The following HDAC3 variants were observed in gnomAD, a reference collection of about 807,000 sequenced individuals.
The protein encoded by HDAC3 is SMAP45.
Under a neutral mutation model 62.3 loss-of-function variants are expected in HDAC3, and 21 were observed. The ratio of observed to expected loss-of-function variants is 0.34; its 90% CI spans 0.24 to 0.49. The LOEUF is 0.49. Among genes scored for constraint, HDAC3 ranks in the 20% least tolerant of loss-of-function variants. The pLI, the probability that HDAC3 is intolerant of heterozygous loss-of-function variation, is 0.99. For missense variants in HDAC3, 270 were observed against 556.9 expected (o/e 0.48, Z 5.19); for synonymous variants, 198 against 206.5 (o/e 0.96, Z 0.35).
At position 141,628,629 on chromosome 5, in the gene HDAC3, A is replaced by G. The variant is rs368151986; in HGVS notation, c.621T>C (p.Tyr207=). 9.9e-6 allele frequency: 16 copies of G among 1,613,828 alleles called. No individual in the cohort carries two copies. The highest frequency in any genetic ancestry group is 6.7e-5 in the African/African-American group (5 of 74,914). Reference sequence around the variant, plus strand: ...AGCGGCCACTCTCTGCCCCGACTTCATACATGTCACCTGTAGGGAAGTGGG... The same window carrying G: ...AGCGGCCACTCTCTGCCCCGACTTCGTACATGTCACCTGTAGGGAAGTGGG... ...NYFFPGTGDM[Y]EVGAESGRYY... The change falls in exon 8 of 15, where the codon TAT becomes TAC. Residue 207 remains tyrosine, a synonymous_variant. Transcript: ENST00000305264. The surrounding 1 kb of genome is among the most constrained non-coding windows in gnomAD (Gnocchi z 4.7).
rs2099904449 is a variant in HDAC3, at chr5:141,626,567, A to G, written c.831-284T>C. On this transcript the variant is annotated intron_variant, in intron 10 of 14. Coordinates refer to ENST00000305264, the MANE Select transcript of HDAC3 (RefSeq NM_003883.4). The surrounding 1 kb of genome is among the most constrained non-coding windows in gnomAD (Gnocchi z 4.6). ...ATTCTCATCAACCCAAGTTCTGTCA[A>G]TTCTAGCCTTGAAAATATAACTCAC... The G allele has an allele frequency of 2.5e-6, 1 of 405,582 alleles. No homozygotes were observed. The highest frequency in any genetic ancestry group is 4.6e-6 in the Non-Finnish European group (1 of 217,148). The allele number at this position is 405,582 out of a possible 1,614,324, so 25.1% of individuals were successfully genotyped here.
intron 14 of HDAC3, among the ~76,000 whole-genome samples, chr5:141,622,215 G>C (rs984629584): frequency 3.3e-5 from 5 of 152,180 alleles, no homozygotes; most frequent in African/African-American, 1.2e-4. Context: ...ATTTTAAGAA[G>C]AGTGACGTGG....
intron 14 of HDAC3, among the ~76,000 whole-genome samples, chr5:141,623,383 C>CA (rs2099903970): frequency 6.6e-6 from 1 of 152,088 alleles, no homozygotes; most frequent in Non-Finnish European, 1.5e-5. Flanking sequence ...GGTGGCCTGA[C>CA]AGAGAGGTAG....
chr5:141,621,312 A>G lies in HDAC3; in HGVS notation c.*156T>C. ...CTTGGGAGAGAGAGGAAAAGCAGGT[A>G]GATGGTTCGAGAACCAAATGTGGTC... On this transcript the variant is annotated 3_prime_UTR_variant, in exon 15 of 15. Transcript: ENST00000305264. 1 of 669,484 alleles carries G rather than the reference A, an allele frequency of 1.5e-6. No individual in the cohort carries two copies. Among genetic ancestry groups the G allele is most frequent in the Non-Finnish European group, 2.7e-6 (1 of 373,704 alleles). The allele number at this position is 669,484 out of a possible 1,614,324, so 41.5% of individuals were successfully genotyped here. A position where few individuals can be genotyped will look rare whatever the true frequency, so the allele number is the denominator to read the frequency against.
chr5:141,635,308 C>G (rs2099905801), intron 2 of HDAC3: 2 of 198,486 alleles, frequency 1.0e-5, no homozygotes, highest in African/African-American at 2.3e-5. Context: ...ATTCTTCTTT[C>G]TGGAGTCAAA....
rs886420368 is a variant in HDAC3 at position 141,634,684 on chromosome 5, A to C, written c.281+127T>G. ...ACCAATAAATATTTATTGAATAAACAAATAAAATGAATTATGATGCATTGA... is the reference window on the plus strand; with the variant it reads ...ACCAATAAATATTTATTGAATAAACCAATAAAATGAATTATGATGCATTGA... On this transcript the variant is annotated intron_variant, in intron 3 of 14. Transcript: ENST00000305264. 6.4e-6 allele frequency: 6 copies of C among 937,966 alleles called. No individual in the cohort carries two copies. The African/African-American group carries it at 6.7e-5, about 10-fold the overall frequency. 58.1% of individuals were successfully genotyped at this position (937,966 alleles called of 1,614,324 possible).
In HDAC3 at chr5:141,628,008, C is replaced by G. The variant is rs749513334; in HGVS notation, c.766-51G>C. On this transcript the variant is annotated intron_variant, in intron 9 of 14. Coordinates refer to ENST00000305264, the MANE Select transcript of HDAC3 (RefSeq NM_003883.4). This position sits in a 1 kb window ranked among gnomAD's most constrained non-coding sequence, Gnocchi z 4.7. Reference sequence around the variant, plus strand: ...GTGCAGTGATCAGAACTGATCAGAACATCACAGATACCCCTTCCACCACCA... The same window carrying G: ...GTGCAGTGATCAGAACTGATCAGAAGATCACAGATACCCCTTCCACCACCA... The G allele has an allele frequency of 1.9e-6, 3 of 1,606,594 alleles. No individual in the cohort carries two copies. The East Asian group carries it at 6.7e-5, about 36-fold the overall frequency.
chr5:141,633,825 C>CAAAAAAA (rs11291105), intron 3 of HDAC3, among the ~76,000 whole-genome samples: 2 of 74,012 alleles, frequency 2.7e-5, no homozygotes, highest in African/African-American at 5.2e-5. Flanking sequence ...GACTCTGTCT[C>CAAAAAAA]AAAAAAAAAA....
chr5:141,633,983 A>G (rs1282290835), intron 3 of HDAC3, among the ~76,000 whole-genome samples: 5 of 152,226 alleles, frequency 3.3e-5, no homozygotes, highest in South Asian at 4.1e-4. Flanking sequence ...GAATTGAGCA[A>G]CTGGTAGCTG....
rs760382164 is a variant in HDAC3, at chr5:141,636,796, C to A, written c.-6G>T. ...TAGGCCACGGTCTTGGCCATGGTGC[C>A]GGCGGGAGCAGGCCCCGCACCTCCG... On this transcript the variant is annotated 5_prime_UTR_variant, in exon 1 of 15. Coordinates refer to ENST00000305264, the MANE Select transcript of HDAC3 (RefSeq NM_003883.4). 4 of 1,601,472 alleles carry A rather than the reference C, an allele frequency of 2.5e-6. No individual in the cohort carries two copies. The highest frequency in any genetic ancestry group is 3.4e-6 in the Non-Finnish European group (4 of 1,173,264).
At chr5:141,634,683 CAAAT>C (rs2099905722) in intron 3 of HDAC3, 124 bp downstream of exon 3, 1 of 931,696 alleles carries the variant, frequency 1.1e-6, no homozygotes, top group Non-Finnish European at 1.6e-6. Context: ...ATTGAATAAA[CAAAT>C]AAAATGAATT....
At position 141,626,599 on chromosome 5, in the gene HDAC3, C is replaced by G. The variant is rs1056854482; in HGVS notation, c.831-316G>C. On this transcript the variant is annotated intron_variant, in intron 10 of 14. Coordinates refer to ENST00000305264, the MANE Select transcript of HDAC3 (RefSeq NM_003883.4). The surrounding 1 kb of genome is among the most constrained non-coding windows in gnomAD (Gnocchi z 4.6). Reference sequence around the variant, plus strand: ...CCTTGAAAATATAACTCACGCCCGGCGCGGTGCTCACGCCTTTGTAGTAGT... The same window carrying G: ...CCTTGAAAATATAACTCACGCCCGGGGCGGTGCTCACGCCTTTGTAGTAGT... 2.9e-6 allele frequency: 1 copy of G among 347,242 alleles called. No individual in the cohort carries two copies. The highest frequency in any genetic ancestry group is 2.1e-5 in the African/African-American group (1 of 47,214). 21.5% of individuals were successfully genotyped at this position (347,242 alleles called of 1,614,324 possible).
chr5:141,621,309 G>T lies in HDAC3; in HGVS notation c.*159C>A. On this transcript the variant is annotated 3_prime_UTR_variant, in exon 15 of 15. Transcript: ENST00000305264. ...GGCCTTGGGAGAGAGAGGAAAAGCA[G>T]GTAGATGGTTCGAGAACCAAATGTG... The T allele has an allele frequency of 3.0e-6, 2 of 666,288 alleles. No individual in the cohort carries two copies. The allele number at this position is 666,288 out of a possible 1,614,324, so 41.3% of individuals were successfully genotyped here. A position where few individuals can be genotyped will look rare whatever the true frequency, so the allele number is the denominator to read the frequency against.
At chr5:141,631,113 A>C (rs531173674) in intron 3 of HDAC3, among the ~76,000 whole-genome samples, 2 of 151,818 alleles carry the variant, frequency 1.3e-5, no homozygotes, top group East Asian at 3.9e-4. Flanking sequence ...GGCAATCCCT[A>C]GTTTTAGGTC....
chr5:141,630,092 C>G lies in HDAC3; in HGVS notation c.315G>C (p.Ser105=), dbSNP rs756522328. ...PVFPGLFEFC[S]RYTGASLQGA... is the part of the protein sequence containing the mutation. ...CTTGCAGAGATGCGCCTGTGTAACGCGAGCAGAACTCAAAGAGCCCGGGAA... is the reference window on the plus strand; with the variant it reads ...CTTGCAGAGATGCGCCTGTGTAACGGGAGCAGAACTCAAAGAGCCCGGGAA... The change falls in exon 4 of 15, where the codon TCG becomes TCC. Residue 105 remains serine, a synonymous_variant. Transcript: ENST00000305264. 1 of 1,614,106 alleles carries G rather than the reference C, an allele frequency of 6.2e-7. No individual in the cohort carries two copies. Among genetic ancestry groups the G allele is most frequent in the Non-Finnish European group, 8.5e-7 (1 of 1,180,026 alleles).
At chr5:141,634,492 C>T (rs2154598051) in intron 3 of HDAC3, among the ~76,000 whole-genome samples, 1 of 152,198 alleles carries the variant, frequency 6.6e-6, no homozygotes, top group East Asian at 1.9e-4. Context: ...AGGAAGGCCC[C>T]ACCGACCAGC....
chr5:141,629,686 G>A lies in HDAC3; in HGVS notation c.474C>T (p.Leu158=), dbSNP rs2099904922. The A allele has an allele frequency of 6.2e-7, 1 of 1,613,832 alleles. No individual in the cohort carries two copies. The highest frequency in any genetic ancestry group is 8.5e-7 in the Non-Finnish European group (1 of 1,179,954). The change falls in exon 6 of 15, where the codon CTC becomes CTT. Residue 158 remains leucine (L), a splice_region_variant and synonymous_variant. Coordinates refer to ENST00000305264, the MANE Select transcript of HDAC3 (RefSeq NM_003883.4). This position sits in a 1 kb window ranked among gnomAD's most constrained non-coding sequence, Gnocchi z 5.3. ...CCATCTCCTCCTGGGCTACTTACTT[G>A]AGCAGCTCCAGGATGCCAATCACAA... ...NDIVIGILEL[L]KYHPRVLYID...
Position 141,629,352 on chromosome 5 carries a change from C to T in HDAC3, c.477-46G>A, listed in dbSNP as rs754059219. On this transcript the variant is annotated intron_variant, in intron 6 of 14. Transcript: ENST00000305264. This position sits in a 1 kb window ranked among gnomAD's most constrained non-coding sequence, Gnocchi z 5.3. ...GGGTCTGAGCTAGAAGTGAACCCCC[C>T]AACCCACTCCTCTCAAACACCGGGT... is the stretch of plus-strand genomic sequence containing the variant. 3 of 1,611,976 alleles carry T rather than the reference C, an allele frequency of 1.9e-6. No individual in the cohort carries two copies. The South Asian group carries it at 3.3e-5, about 18-fold the overall frequency.
In HDAC3 at chr5:141,629,700, T is replaced by C. The variant is rs1235783515; in HGVS notation, c.460A>G (p.Ile154Val). 1.9e-6 allele frequency: 3 copies of C among 1,614,096 alleles called. No homozygotes were observed. The highest frequency in any genetic ancestry group is 2.5e-6 in the Non-Finnish European group (3 of 1,180,018). ...FCYVNDIVIG[I>V]LELLKYHPRV... ...GCTACTTACTTGAGCAGCTCCAGGA[T>C]GCCAATCACAATGTCGTTGACATAG... The change falls in exon 6 of 15, where the codon ATC (isoleucine) becomes GTC (valine). Residue 154 changes from isoleucine (I) to valine (V), a missense_variant. By Grantham distance (29) the Ile-to-Val change is conservative. Around this residue, in one of 5 missense-constraint regions of HDAC3, gnomAD observed 156 missense variants for 383.9 expected, o/e 0.41. Transcript: ENST00000305264. This position sits in a 1 kb window ranked among gnomAD's most constrained non-coding sequence, Gnocchi z 5.3.
Sources: gnomAD v4.1 joint callset for allele counts (sites outside exome capture counted in the v4.1 genomes callset) on GRCh38, gnomAD v4.1.1 for gene constraint, gnomAD v4.1.1 regional missense constraint, Gnocchi (gnomAD v3.1) non-coding constraint, MANE v1.5 for transcripts, NCBI Gene and HGNC (gene_info 2026-07-23, HGNC 2026-07-21) for gene names.